The following TFAP2A variants were observed in gnomAD, a reference collection of about 807,000 sequenced individuals.
TFAP2A encodes transcription factor AP-2 alpha.
TFAP2A carries 7 observed loss-of-function variants against 41.5 expected under a neutral mutation model. That is an observed-to-expected ratio of 0.17 (90% CI 0.10 to 0.32). The LOEUF is 0.32. TFAP2A is among the 10% of genes least tolerant of loss of function. The probability of loss-of-function intolerance (pLI) is 1.00; values close to 1 mark genes in which losing one functional copy is unlikely to be tolerated. For missense variants in TFAP2A, 416 were observed against 563.3 expected (o/e 0.74, Z 2.65); for synonymous variants, 247 against 242.8 (o/e 1.02, Z -0.16).
upstream of TFAP2A, chr6:10,416,048 A>C (rs1758229064): frequency 6.6e-6 from 1 of 152,218 alleles, no homozygotes; most frequent in Non-Finnish European, 1.5e-5. Context: ...GTGGACACGA[A>C]TACAGAACTC....
intron 2 of TFAP2A, chr6:10,409,251 T>C (rs1261657653): frequency 6.6e-6 from 1 of 152,296 alleles, no homozygotes; most frequent in African/African-American, 2.4e-5. Flanking sequence ...TTTAATTTAA[T>C]ATGGAGTGTA....
upstream of TFAP2A, chr6:10,415,470 G>T (rs1268527473): frequency 1.2e-5 from 3 of 259,006 alleles, no homozygotes; most frequent in Non-Finnish European, 2.3e-5. Flanking sequence ...CCGCCGCGAG[G>T]CCCTGCCCCA....
At chr6:10,403,539 G>A (rs1757517923) in intron 4 of TFAP2A, among the ~76,000 whole-genome samples, 1 of 152,226 alleles carries the variant, frequency 6.6e-6, no homozygotes, top group Admixed American at 6.5e-5. Flanking sequence ...GAAAGGAACT[G>A]TGGGTCTATC....
chr6:10,398,355 G>A lies in TFAP2A; in HGVS notation c.*62C>T. 2.5e-6 allele frequency: 4 copies of A among 1,606,494 alleles called. No individual in the cohort carries two copies. The highest frequency in any genetic ancestry group is 2.2e-5 in the East Asian group (1 of 44,630). ...GTTGCTGATCCCGGAGCTGTCACCC[G>A]CCGGAGGGTGGGCGCGCGGGGGGCT... On this transcript the variant is annotated 3_prime_UTR_variant, in exon 7 of 7. Coordinates refer to ENST00000379613, the MANE Select transcript of TFAP2A (RefSeq NM_001372066.1). This position sits in a 1 kb window ranked among gnomAD's most constrained non-coding sequence, Gnocchi z 5.3.
At chr6:10,402,242 T>G (rs1171433493) in intron 5 of TFAP2A, 1 of 579,822 alleles carries the variant, frequency 1.7e-6, no homozygotes, top group Admixed American at 2.2e-5. Flanking sequence ...ACTTGTGCGT[T>G]GTTTAGCTCA....
intron 1 of TFAP2A, chr6:10,410,994 A>G (rs1757935937): frequency 6.3e-6 from 1 of 158,782 alleles, no homozygotes; most frequent in South Asian, 1.8e-4. Flanking sequence ...TTTAAAATAG[A>G]AAGATTCAGC....
upstream of TFAP2A, chr6:10,416,799 A>C (rs1034438749): frequency 6.6e-6 from 1 of 152,280 alleles, no homozygotes; most frequent in African/African-American, 2.4e-5. Context: ...ACACCTCAGC[A>C]AACTCCCCAA....
intron 2 of TFAP2A, chr6:10,409,062 A>G (rs1757836942): frequency 6.6e-6 from 1 of 152,248 alleles, no homozygotes; most frequent in Non-Finnish European, 1.5e-5. Flanking sequence ...TATAGAATTG[A>G]AGCAGAGGTA....
At chr6:10,416,696 G>A (rs1758257084), upstream of TFAP2A, among the ~76,000 whole-genome samples, 2 of 152,208 alleles carry the variant, frequency 1.3e-5, no homozygotes, top group African/African-American at 4.8e-5. Context: ...AACTGTGGCA[G>A]ATTGGAGCAT....
intron 1 of TFAP2A, chr6:10,411,587 G>T (rs1757972520): frequency 6.2e-6 from 10 of 1,614,042 alleles, no homozygotes; most frequent in Non-Finnish European, 8.5e-6. Flanking sequence ...GAAAAACTGT[G>T]AACTAACATC....
At chr6:10,419,596 A>G, upstream of TFAP2A, 1 of 1,025,520 alleles carries the variant, frequency 9.8e-7, no homozygotes, top group South Asian at 1.4e-5. Flanking sequence ...CTGGGTTGCT[A>G]CCTGCCGACG....
intron 1 of TFAP2A, among the ~76,000 whole-genome samples, chr6:10,413,493 C>G (rs574654506): frequency 1.3e-5 from 2 of 151,136 alleles, no homozygotes; most frequent in Non-Finnish European, 3.0e-5. Flanking sequence ...AAGCCCAGAC[C>G]AGTACAGTAT....
rs994676305 is a variant in TFAP2A, at chr6:10,414,998, G to C, written c.-7C>G. 2 of 1,614,128 alleles carry C rather than the reference G, an allele frequency of 1.2e-6. No homozygotes were observed. Among genetic ancestry groups the C allele is most frequent in the Admixed American group, 3.3e-5 (2 of 60,026 alleles). ...ATTTCCAAAGCATTTTCATGGATCG[G>C]CGTGAACGGATATGCCCCTCTCGGT... On this transcript the variant is annotated 5_prime_UTR_variant, in exon 1 of 7. Transcript: ENST00000379613.
At chr6:10,409,226 AATAGTCTC>A (rs1173557570) in intron 2 of TFAP2A, 2 of 152,276 alleles carry the variant, frequency 1.3e-5, no homozygotes, top group Non-Finnish European at 2.9e-5. Flanking sequence ...TGTATTACCC[AATAGTCTC>A]GAAACATTTA....
chr6:10,414,570 G>A (rs1758161698), intron 1 of TFAP2A: 1 of 431,574 alleles, frequency 2.3e-6, no homozygotes, highest in African/African-American at 2.0e-5. Context: ...TCTGTTCCTG[G>A]TGACTTGGGC....
chr6:10,408,559 G>C (rs1757818097), intron 2 of TFAP2A, among the ~76,000 whole-genome samples: 1 of 152,160 alleles, frequency 6.6e-6, no homozygotes, highest in African/African-American at 2.4e-5. Context: ...ATATAAATTA[G>C]TGCTCCTCTC....
chr6:10,416,258 A>G (rs1363566002), upstream of TFAP2A: 1 of 152,188 alleles, frequency 6.6e-6, no homozygotes, highest in Non-Finnish European at 1.5e-5. Context: ...TGGTGATGCT[A>G]CTAACGCGGG....
At position 10,410,025 on chromosome 6, in the gene TFAP2A, G is replaced by A. The variant is rs1161927231; in HGVS notation, c.362C>T (p.Ser121Leu). 6.2e-7 allele frequency: 1 copy of A among 1,612,654 alleles called. No homozygotes were observed. The highest frequency in any genetic ancestry group is 1.7e-5 in the Admixed American group (1 of 59,914). ...GTAGTCCCTGCGAGGATCCAGGCCCGACAGCTGGTGAGGCAGCCCCCGGTG... is the reference window on the plus strand; with the variant it reads ...GTAGTCCCTGCGAGGATCCAGGCCCAACAGCTGGTGAGGCAGCCCCCGGTG... ...HTHRGLPHQL[S>L]GLDPRRDYRR... Residue 121 changes from serine (S) to leucine (L), a missense_variant, in exon 2 of 7, where the codon TCG becomes TTG. By Grantham distance (145) the Ser-to-Leu change is moderately radical (BLOSUM62 -2). Transcript: ENST00000379613.
intron 4 of TFAP2A, 21 bp downstream of exon 4, chr6:10,404,487 C>T (rs993218800): frequency 7.9e-6 from 12 of 1,527,638 alleles, no homozygotes; most frequent in East Asian, 2.5e-5. Context: ...GCGGGGCGGG[C>T]GGGGCCGTGC....
Sources: gnomAD v4.1 joint callset for allele counts (sites outside exome capture counted in the v4.1 genomes callset) on GRCh38, gnomAD v4.1.1 for gene constraint, Gnocchi (gnomAD v3.1) non-coding constraint, MANE v1.5 for transcripts, NCBI Gene and HGNC (gene_info 2026-07-23, HGNC 2026-07-21) for gene names.